Variants in OLA1 observed in about 807,000 individuals in gnomAD.
OLA1 encodes obg-like ATPase 1.
In OLA1, 14 loss-of-function variants were observed where a neutral mutation model predicts 48.4. The ratio of observed to expected loss-of-function variants is 0.29; its 90% CI spans 0.19 to 0.45. The LOEUF is 0.45. OLA1 is among the 20% of genes least tolerant of loss of function. The pLI, the probability that OLA1 is intolerant of heterozygous loss-of-function variation, is 1.00. For missense variants in OLA1, 325 were observed against 467.1 expected (o/e 0.70, Z 2.80); for synonymous variants, 127 against 150.4 (o/e 0.84, Z 1.14).
At chr2:174,230,123 G>A (rs1688694745) in intron 2 of OLA1, among the ~76,000 whole-genome samples, 1 of 151,932 alleles carries the variant, frequency 6.6e-6, no homozygotes, top group Non-Finnish European at 1.5e-5. Flanking sequence ...CGTGCTCAGA[G>A]AAAGCCCACT....
chr2:174,092,024 A>C (rs1429875677), intron 7 of OLA1, among the ~76,000 whole-genome samples: 1 of 150,652 alleles, frequency 6.6e-6, no homozygotes, highest in African/African-American at 2.4e-5. Flanking sequence ...GCATTAGTGG[A>C]TAGATAAACA....
Position 174,110,453 on chromosome 2 carries a change from A to AT in OLA1, c.728+12726dup, listed in dbSNP as rs1263029073. Reference sequence around the variant, plus strand: ...AGATGTGAGACACCGTGCCCGGCCAATTTTTTTTTGAGACAGGGTGTCACT... The same window carrying AT: ...AGATGTGAGACACCGTGCCCGGCCAATTTTTTTTTTGAGACAGGGTGTCACT... On this transcript the variant is annotated intron_variant, in intron 7 of 10. Transcript: ENST00000284719. Among the ~76,000 whole-genome samples the AT allele has an allele frequency of 2.8e-3, 412 of 149,454 alleles. 3 individuals are homozygous for AT. Among genetic ancestry groups the AT allele is most frequent in the African/African-American group, 9.3e-3 (380 of 40,716 alleles).
At chr2:174,125,520 CA>C (rs1461032716) in intron 5 of OLA1, among the ~76,000 whole-genome samples, 4 of 152,042 alleles carry the variant, frequency 2.6e-5, no homozygotes, top group African/African-American at 9.7e-5. Context: ...AGAAAACAGA[CA>C]AAAGAAAGCC....
chr2:174,120,187 CAG>C (rs1349052904), intron 7 of OLA1, among the ~76,000 whole-genome samples: 1 of 152,014 alleles, frequency 6.6e-6, no homozygotes, highest in Non-Finnish European at 1.5e-5. Context: ...ATTCTACTAA[CAG>C]AGCAGCAAGG....
At chr2:174,099,460 G>A (rs1015441955) in intron 7 of OLA1, among the ~76,000 whole-genome samples, 1 of 152,018 alleles carries the variant, frequency 6.6e-6, no homozygotes, top group African/African-American at 2.4e-5. Context: ...GGCCGACTTT[G>A]TTGTATTTTC....
At chr2:174,181,635 T>C (rs1274574126) in intron 4 of OLA1, among the ~76,000 whole-genome samples, 1 of 133,764 alleles carries the variant, frequency 7.5e-6, no homozygotes, top group Non-Finnish European at 1.7e-5. Context: ...TGCAAGTGGA[T>C]GTAGGGTGAC....
At chr2:174,111,781 C>A (rs1377684811) in intron 7 of OLA1, among the ~76,000 whole-genome samples, 1 of 151,978 alleles carries the variant, frequency 6.6e-6, no homozygotes, top group Non-Finnish European at 1.5e-5. Flanking sequence ...AGTGAAAATG[C>A]AAGGAAACAG....
chr2:174,239,895 A>G (rs1688954682), intron 2 of OLA1, among the ~76,000 whole-genome samples: 2 of 112,270 alleles, frequency 1.8e-5, no homozygotes, highest in Admixed American at 1.8e-4. Flanking sequence ...CTCTATCTCA[A>G]AAAAAAAACA....
chr2:174,192,914 G>C (rs565835767), intron 4 of OLA1, among the ~76,000 whole-genome samples: 182 of 152,158 alleles, frequency 1.2e-3, no homozygotes, highest in African/African-American at 4.2e-3. Context: ...GTGCCTTAGA[G>C]ATTTTCTTTT....
intron 4 of OLA1, among the ~76,000 whole-genome samples, chr2:174,163,778 AT>A (rs1273454767): frequency 3.5e-4 from 13 of 37,250 alleles, no homozygotes; most frequent in Non-Finnish European, 5.3e-4. Flanking sequence ...ATATATATAA[AT>A]AAATGTTTGG....
At chr2:174,247,246 G>T (rs1216431626) in intron 1 of OLA1, 2 of 169,966 alleles carry the variant, frequency 1.2e-5, no homozygotes, top group Admixed American at 6.0e-5. Flanking sequence ...CAGGCGCGCA[G>T]CCTGTAATTC....
intron 4 of OLA1, among the ~76,000 whole-genome samples, chr2:174,162,603 A>T (rs1037858918): frequency 2.0e-5 from 3 of 152,244 alleles, no homozygotes; most frequent in African/African-American, 7.2e-5. Flanking sequence ...AAACCATGGC[A>T]ATAATATATA....
In OLA1 at chr2:174,224,468, A is replaced by G. The variant is rs145959105; in HGVS notation, c.246-1308T>C. ...ATTCTAGGACCTTCACCTTGCCCTA[A>G]TTGCCTCAAAGAACTTAAGAAGCCA... On this transcript the variant is annotated intron_variant, in intron 3 of 10. Transcript: ENST00000284719. Among the ~76,000 whole-genome samples, 1,486 of 152,250 alleles carry G rather than the reference A, an allele frequency of 9.8e-3. 9 individuals are homozygous for G. Among genetic ancestry groups the G allele is most frequent in the South Asian group, 0.026 (125 of 4,818 alleles).
chr2:174,165,986 A>AT (rs1347959307), intron 4 of OLA1, among the ~76,000 whole-genome samples: 1 of 152,028 alleles, frequency 6.6e-6, no homozygotes, highest in Non-Finnish European at 1.5e-5. Context: ...GTAGCCGGAC[A>AT]TGGTGGCATG....
intron 4 of OLA1, among the ~76,000 whole-genome samples, chr2:174,151,507 A>C (rs1686745359): frequency 6.6e-6 from 1 of 152,214 alleles, no homozygotes; most frequent in Non-Finnish European, 1.5e-5. Flanking sequence ...TCCCACCACA[A>C]TCATTCAGAG....
chr2:174,113,099 C>T (rs1370027370), intron 7 of OLA1, among the ~76,000 whole-genome samples: 1 of 152,050 alleles, frequency 6.6e-6, no homozygotes, highest in African/African-American at 2.4e-5. Context: ...CGCCACCAAG[C>T]CCAGCTAATT....
At chr2:174,118,276 G>A (rs16862397) in intron 7 of OLA1, among the ~76,000 whole-genome samples, 16,377 of 152,084 alleles carry the variant, frequency 0.11, 1,164 homozygotes, top group African/African-American at 0.18. Context: ...TATCAACTCC[G>A]GTTGTAAAAG....
intron 4 of OLA1, among the ~76,000 whole-genome samples, chr2:174,166,882 G>C (rs1282736043): frequency 6.6e-6 from 1 of 151,980 alleles, no homozygotes; most frequent in Admixed American, 6.6e-5. Flanking sequence ...ATTTAATAAG[G>C]GGCCTTCTTT....
intron 4 of OLA1, among the ~76,000 whole-genome samples, chr2:174,206,691 T>G (rs912330893): frequency 6.6e-6 from 1 of 152,200 alleles, no homozygotes; most frequent in Non-Finnish European, 1.5e-5. Flanking sequence ...AATATTACAA[T>G]GCAAAGTAGA....
Sources: allele counts gnomAD v4.1 joint callset (sites outside exome capture counted in the v4.1 genomes callset), GRCh38; gene constraint gnomAD v4.1.1; transcripts MANE v1.5; gene names NCBI Gene and HGNC (gene_info 2026-07-23, HGNC 2026-07-21).